Variants in ISM1 observed in about 807,000 individuals in gnomAD.
ISM1 encodes the protein isthmin-1.
Under a neutral mutation model 46.3 loss-of-function variants are expected in ISM1, and 25 were observed. That is an observed-to-expected ratio of 0.54 (90% CI 0.39 to 0.75). ISM1 has a LOEUF of 0.75. Ranked by LOEUF, ISM1 falls within the 30% of genes least tolerant of loss-of-function variation. ISM1 has a pLI of 0.00. For synonymous variants in ISM1, 255 were observed against 256.7 expected, an observed-to-expected ratio of 0.99 and a Z score of 0.06; for missense variants, 536 against 625.4, an observed-to-expected ratio of 0.86 and a Z score of 1.52.
At chr20:13,313,451 C>A in the ISM1 span, among the ~76,000 whole-genome samples, 205 of 152,294 alleles carry the variant, frequency 1.3e-3, no homozygotes, top group African/African-American at 4.9e-3. Flanking sequence ...AAACACGGAG[C>A]CGTAGTCAAT....
intron 4 of ISM1, among the ~76,000 whole-genome samples, chr20:13,291,229 C>T (rs1383199564): frequency 1.3e-5 from 2 of 152,152 alleles, no homozygotes; most frequent in East Asian, 3.9e-4. Context: ...GTGTCCTCAC[C>T]CTCCTTGCAT....
chr20:13,252,416 G>T (rs969613392), intron 1 of ISM1, among the ~76,000 whole-genome samples: 1 of 152,152 alleles, frequency 6.6e-6, no homozygotes, highest in African/African-American at 2.4e-5. Context: ...GGTTCATCGT[G>T]GGGAGGCTTT....
chr20:13,306,385 T>A, the ISM1 span, among the ~76,000 whole-genome samples: 3 of 152,052 alleles, frequency 2.0e-5, no homozygotes, highest in Admixed American at 2.0e-4. Flanking sequence ...TAAAAGGGAA[T>A]GTTAGCAAAT....
At chr20:13,227,487 G>A (rs181105313) in intron 1 of ISM1, among the ~76,000 whole-genome samples, 7 of 147,608 alleles carry the variant, frequency 4.7e-5, no homozygotes, top group African/African-American at 7.6e-5. Context: ...ACAGGTGTGA[G>A]CCACCATGCC....
chr20:13,241,797 A>C (rs900388669), intron 1 of ISM1, among the ~76,000 whole-genome samples: 3 of 152,136 alleles, frequency 2.0e-5, no homozygotes, highest in African/African-American at 7.2e-5. Flanking sequence ...AAATAAAGCA[A>C]GTTTGTCAAG....
chr20:13,283,923 G>A (rs1037086170), intron 3 of ISM1, among the ~76,000 whole-genome samples: 7 of 152,146 alleles, frequency 4.6e-5, no homozygotes, highest in Admixed American at 2.0e-4. Flanking sequence ...TAAAGCCAGA[G>A]CAACGTGGGC....
chr20:13,236,475 C>T (rs996919902), intron 1 of ISM1, among the ~76,000 whole-genome samples: 2 of 152,064 alleles, frequency 1.3e-5, no homozygotes, highest in African/African-American at 4.8e-5. Context: ...CATTCCACCC[C>T]GGCCCCTCCA....
chr20:13,320,163 G>T, the ISM1 span, among the ~76,000 whole-genome samples: 1 of 152,214 alleles, frequency 6.6e-6, no homozygotes, highest in Non-Finnish European at 1.5e-5. Flanking sequence ...TAACCCTGCT[G>T]AGGGGCTCAT....
chr20:13,246,475 T>C (rs1208125677), intron 1 of ISM1, among the ~76,000 whole-genome samples: 2 of 152,146 alleles, frequency 1.3e-5, no homozygotes, highest in African/African-American at 2.4e-5. Context: ...AGCTTACTCC[T>C]CTGTTATACC....
chr20:13,322,230 T>TGCTGTACTCCCAAGAGTGAG, the ISM1 span, among the ~76,000 whole-genome samples: 3 of 152,212 alleles, frequency 2.0e-5, no homozygotes, highest in Admixed American at 2.0e-4. Flanking sequence ...TTCTTAAAAG[T>TGCTGTACTCCCAAGAGTGAG]GCTGTACTCC....
intron 3 of ISM1, among the ~76,000 whole-genome samples, chr20:13,287,818 AC>A (rs2040310516): frequency 6.6e-6 from 1 of 152,228 alleles, no homozygotes; most frequent in East Asian, 1.9e-4. Context: ...GCTACACGTA[AC>A]AAAATATCCC....
At chr20:13,321,961 A>G in the ISM1 span, among the ~76,000 whole-genome samples, 2 of 152,190 alleles carry the variant, frequency 1.3e-5, no homozygotes, top group African/African-American at 4.8e-5. Context: ...GTAAAATATG[A>G]TCATAACGAT....
intron 2 of ISM1, among the ~76,000 whole-genome samples, chr20:13,277,769 T>C (rs1321800282): frequency 6.6e-6 from 1 of 151,986 alleles, no homozygotes; most frequent in Non-Finnish European, 1.5e-5. Context: ...CCCTTCTAGG[T>C]GTCCCGTGAC....
chr20:13,251,044 A>G (rs941201327), intron 1 of ISM1, among the ~76,000 whole-genome samples: 1 of 152,186 alleles, frequency 6.6e-6, no homozygotes, highest in Non-Finnish European at 1.5e-5. Flanking sequence ...TGTATTTTCC[A>G]TAAGTCAGGA....
the ISM1 span, among the ~76,000 whole-genome samples, chr20:13,325,946 C>T: frequency 6.6e-6 from 1 of 152,138 alleles, no homozygotes; most frequent in Admixed American, 6.5e-5. Context: ...AGAGGTAGTC[C>T]TATCTTACCA....
intron 4 of ISM1, among the ~76,000 whole-genome samples, chr20:13,291,819 A>G (rs765431922): frequency 1.3e-5 from 2 of 152,156 alleles, no homozygotes. Context: ...TCAAGGGAAA[A>G]CTACCACCTA....
the ISM1 span, among the ~76,000 whole-genome samples, chr20:13,316,674 G>T: frequency 6.6e-6 from 1 of 150,406 alleles, no homozygotes; most frequent in Non-Finnish European, 1.5e-5. Flanking sequence ...TGCTAAAAAA[G>T]AAAGATCACA....
At chr20:13,265,580 A>T (rs2040033749) in intron 1 of ISM1, among the ~76,000 whole-genome samples, 1 of 152,106 alleles carries the variant, frequency 6.6e-6, no homozygotes. Flanking sequence ...TCCCAAATTC[A>T]TCTGTGCCTT....
Position 13,292,478 on chromosome 20 carries a change from T to A in ISM1, c.877+15T>A, listed in dbSNP as rs1276249074. The A allele has an allele frequency of 1.3e-6, 2 of 1,534,596 alleles. No homozygotes were observed. The highest frequency in any genetic ancestry group is 2.7e-5 in the African/African-American group (2 of 73,108). Reference sequence around the variant, plus strand: ...GTTTGAAGTTGGTAAGATTTTTTTCTTTTTTAATCCAAATATTGACTTAGT... The same window carrying A: ...GTTTGAAGTTGGTAAGATTTTTTTCATTTTTAATCCAAATATTGACTTAGT... On this transcript the variant is annotated intron_variant, in intron 5 of 5. Transcript: ENST00000262487.
Sources: allele counts gnomAD v4.1 joint callset (sites outside exome capture counted in the v4.1 genomes callset), GRCh38; gene constraint gnomAD v4.1.1; transcripts MANE v1.5; gene names NCBI Gene and HGNC (gene_info 2026-07-23, HGNC 2026-07-21).